The following PCDHA7 variants were observed in gnomAD, a reference collection of about 807,000 sequenced individuals.
PCDHA7 encodes protocadherin alpha 7.
Under a neutral mutation model 57.2 loss-of-function variants are expected in PCDHA7, and 37 were observed. The ratio of observed to expected loss-of-function variants is 0.65; its 90% CI spans 0.50 to 0.85. The LOEUF is 0.85. PCDHA7 is among the 40% of genes least tolerant of loss of function. The probability of loss-of-function intolerance (pLI) is 0.00; values close to 1 mark genes in which losing one functional copy is unlikely to be tolerated. For synonymous variants in PCDHA7, 553 were observed against 558.8 expected, an observed-to-expected ratio of 0.99 and a Z score of 0.15; for missense variants, 1,188 against 1,241.8, an observed-to-expected ratio of 0.96 and a Z score of 0.65.
chr5:140,924,701 C>A (rs2081959929), intron 1 of PCDHA7, among the ~76,000 whole-genome samples: 1 of 152,008 alleles, frequency 6.6e-6, no homozygotes, highest in African/African-American at 2.4e-5. Flanking sequence ...TCGAGACCAG[C>A]TTGTGCAACA....
chr5:140,870,774 G>GAACGAC (rs781868424), intron 1 of PCDHA7: 1 of 1,613,632 alleles, frequency 6.2e-7, no homozygotes, highest in South Asian at 1.1e-5. Context: ...TGCTGGACGA[G>GAACGAC]AACGACAACG....
At chr5:140,838,280 A>ATT (rs2150286950) in intron 1 of PCDHA7, among the ~76,000 whole-genome samples, 8,551 of 139,516 alleles carry the variant, frequency 0.061, 861 homozygotes, top group African/African-American at 0.2. Flanking sequence ...AGCCATGCTA[A>ATT]TTTTTTTTTT....
At chr5:140,882,688 AATC>A in intron 1 of PCDHA7, 1 of 1,614,196 alleles carries the variant, frequency 6.2e-7, no homozygotes, top group South Asian at 1.1e-5. Context: ...AGAAACGAAT[AATC>A]ATTGCAGAAT....
At chr5:140,870,737 G>A in intron 1 of PCDHA7, 1 of 1,613,478 alleles carries the variant, frequency 6.2e-7, no homozygotes, top group Non-Finnish European at 8.5e-7. Flanking sequence ...CCGCCTCTGA[G>A]CAGCAACGTG....
chr5:140,840,552 T>C (rs1158381714), intron 1 of PCDHA7, among the ~76,000 whole-genome samples: 1 of 152,052 alleles, frequency 6.6e-6, no homozygotes, highest in Non-Finnish European at 1.5e-5. Flanking sequence ...ATGATGGCAA[T>C]ACTGCTAGAG....
intron 1 of PCDHA7, chr5:140,877,791 C>T: frequency 6.2e-7 from 1 of 1,614,022 alleles, no homozygotes. Flanking sequence ...TGGCCTTCAG[C>T]CCAAGCCTTC....
Position 141,009,840 on chromosome 5 carries a change from A to T in PCDHA7, c.2717A>T (p.Lys906Met), listed in dbSNP as rs782270689. 1 of 1,614,186 alleles carries T rather than the reference A, an allele frequency of 6.2e-7. No individual in the cohort carries two copies. The highest frequency in any genetic ancestry group is 1.7e-5 in the Admixed American group (1 of 60,024). The change falls in exon 4 of 4, where the codon AAG (lysine) becomes ATG (methionine). Residue 906 changes from lysine (K) to methionine (M), a missense_variant. Lys to Met is a moderately conservative substitution (Grantham distance 95). Around this residue, in one of 3 missense-constraint regions of PCDHA7, gnomAD observed 892 missense variants for 788.5 expected, o/e 1.13. Coordinates refer to ENST00000525929, the MANE Select transcript of PCDHA7 (RefSeq NM_018910.3). ...AGTGACTTCATAACCTTCGGCAAAA[A>T]GGAGGAGACCAAGAAAAAGAAGAAA... Reference protein sequence around the residue: ...DKSDFITFGKKEETKKKKKKK... With the variant: ...DKSDFITFGKMEETKKKKKKK...
rs138948867 is a variant in PCDHA7, at chr5:140,849,674, C to A, written c.2355+12936C>A. 2.5e-6 allele frequency: 4 copies of A among 1,598,602 alleles called. 1 individual carries two copies. Among genetic ancestry groups the A allele is most frequent in the Non-Finnish European group, 3.4e-6 (4 of 1,168,020 alleles). ...TTACCTGCTCCCTGACGCCCCACGT[C>A]CCCTTCAAGCTGGTGTCCACCTACA... On this transcript the variant is annotated intron_variant, in intron 1 of 3. Coordinates refer to ENST00000525929, the MANE Select transcript of PCDHA7 (RefSeq NM_018910.3).
intron 3 of PCDHA7, among the ~76,000 whole-genome samples, chr5:141,007,259 G>A (rs2098311634): frequency 6.6e-6 from 1 of 151,998 alleles, no homozygotes; most frequent in Non-Finnish European, 1.5e-5. Flanking sequence ...GTTAAAAGAA[G>A]CAGATACAGG....
chr5:140,863,639 A>C, intron 1 of PCDHA7: 2 of 305,014 alleles, frequency 6.6e-6, no homozygotes, highest in South Asian at 6.1e-5. Context: ...ATGTTCACCA[A>C]GTTATTAATT....
rs1366864610 is a variant in PCDHA7 at position 141,006,125 on chromosome 5, G to A, written c.2504-3502G>A. ...AAGGAGTTTTTTTTTTTTTTCTCAA[G>A]GCAGTAGAAAGCTTAAGCAGAGGAG... On this transcript the variant is annotated intron_variant, in intron 3 of 3. Transcript: ENST00000525929. 4.7e-5 allele frequency among the ~76,000 whole-genome samples: 7 copies of A among 149,644 alleles called. No individual in the cohort carries two copies. The South Asian group carries it at 1.3e-3, about 27-fold the overall frequency.
rs1259591783 is a variant in PCDHA7, at chr5:141,009,842, G to C, written c.2719G>C (p.Glu907Gln). 1.2e-6 allele frequency: 2 copies of C among 1,613,960 alleles called. No individual in the cohort carries two copies. The highest frequency in any genetic ancestry group is 1.7e-6 in the Non-Finnish European group (2 of 1,180,014). ...TGACTTCATAACCTTCGGCAAAAAG[G>C]AGGAGACCAAGAAAAAGAAGAAAAA... ...KSDFITFGKKEETKKKKKKKK... is the reference protein window; with the variant it reads ...KSDFITFGKKQETKKKKKKKK... The change falls in exon 4 of 4, where the codon GAG becomes CAG. Residue 907 changes from glutamate (E) to glutamine (Q), a missense_variant. Coordinates refer to ENST00000525929, the MANE Select transcript of PCDHA7 (RefSeq NM_018910.3).
In PCDHA7 at chr5:140,929,760, G is replaced by A. The variant is rs139688975; in HGVS notation, c.2356-49189G>A. 1,459 of 180,340 alleles carry A rather than the reference G, an allele frequency of 8.1e-3. 10 individuals carry two copies. Among genetic ancestry groups the A allele is most frequent in the African/African-American group, 0.019 (807 of 42,220 alleles). The allele number at this position is 180,340 out of a possible 1,614,324, so 11.2% of individuals were successfully genotyped here. A position where few individuals can be genotyped will look rare whatever the true frequency, so the allele number is the denominator to read the frequency against. Reference sequence around the variant, plus strand: ...TTGCAATGCATTATTAAAAGATGACGATAACCACAAAAGATGTAAAAATAA... The same window carrying A: ...TTGCAATGCATTATTAAAAGATGACAATAACCACAAAAGATGTAAAAATAA... On this transcript the variant is annotated intron_variant, in intron 1 of 3. Transcript: ENST00000525929.
intron 1 of PCDHA7, among the ~76,000 whole-genome samples, chr5:140,874,484 G>A (rs1438670057): frequency 6.6e-6 from 1 of 152,190 alleles, no homozygotes; most frequent in African/African-American, 2.4e-5. Context: ...AAAGCAAAAG[G>A]TTGATATCAA....
intron 1 of PCDHA7, among the ~76,000 whole-genome samples, chr5:140,881,035 C>T (rs563210273): frequency 6.6e-6 from 1 of 152,186 alleles, no homozygotes; most frequent in African/African-American, 2.4e-5. Context: ...CAGTCATTTC[C>T]TATAGAGTTG....
At position 140,884,762 on chromosome 5, in the gene PCDHA7, A is replaced by T. The variant is rs491169; in HGVS notation, c.2355+48024A>T. 4,163 of 1,423,128 alleles carry T rather than the reference A, an allele frequency of 2.9e-3. 95 individuals carry two copies. The African/African-American group carries it at 0.053, about 18-fold the overall frequency. 88.2% of individuals were successfully genotyped at this position (1,423,128 alleles called of 1,614,324 possible). A position where few individuals can be genotyped will look rare whatever the true frequency, so the allele number is the denominator to read the frequency against. On this transcript the variant is annotated intron_variant, in intron 1 of 3. Coordinates refer to ENST00000525929, the MANE Select transcript of PCDHA7 (RefSeq NM_018910.3). ...TCCTGCCAATTTCAAATTATTCTTT[A>T]CTTTAATTTTAATTTTGCTAGTTGT...
intron 1 of PCDHA7, chr5:140,867,389 A>T (rs906088628): frequency 6.6e-5 from 10 of 152,166 alleles, no homozygotes; most frequent in Non-Finnish European, 1.2e-4. Context: ...TAACGGTTAT[A>T]AAAGTTGATA....
At chr5:140,868,380 G>T (rs2050428157) in intron 1 of PCDHA7, 1 of 152,028 alleles carries the variant, frequency 6.6e-6, no homozygotes, top group South Asian at 2.1e-4. Context: ...AGTAAAGAAT[G>T]AGAACTATAG....
In PCDHA7 at chr5:140,836,055, G is replaced by T; in HGVS notation, c.1672G>T (p.Glu558Ter). 6.2e-7 allele frequency: 1 copy of T among 1,613,604 alleles called. No homozygotes were observed. Among genetic ancestry groups the T allele is most frequent in the Non-Finnish European group, 8.5e-7 (1 of 1,179,760 alleles). ...NVTLQVFVLD[E>*]NDNAPALLAP... ...GACGCTGCAGGTGTTCGTGCTGGAC[G>T]AGAACGACAACGCGCCGGCACTGCT... is the stretch of plus-strand genomic sequence containing the variant. The change falls in exon 1 of 4, where the codon GAG (glutamate) becomes TAG (stop). Residue 558 changes from glutamate (E) to a stop codon, truncating the protein, a stop_gained. Transcript: ENST00000525929. LOFTEE classifies it high-confidence loss of function.
Sources: gnomAD v4.1 joint callset for allele counts (sites outside exome capture counted in the v4.1 genomes callset) on GRCh38, gnomAD v4.1.1 for gene constraint, gnomAD v4.1.1 regional missense constraint, MANE v1.5 for transcripts, NCBI Gene and HGNC (gene_info 2026-07-23, HGNC 2026-07-21) for gene names.